NMNAT3: variants seen among roughly 807,000 people sequenced by gnomAD.
The protein encoded by NMNAT3 is nicotinamide/nicotinic acid mononucleotide adenylyltransferase 3.
In NMNAT3, 21 loss-of-function variants were observed where a neutral mutation model predicts 24.8. The ratio of observed to expected loss-of-function variants is 0.85; its 90% CI spans 0.60 to 1.22. The LOEUF is 1.22. Among genes scored for constraint, NMNAT3 ranks in the 50% most tolerant of loss-of-function variants. The pLI is 0.00. For missense variants in NMNAT3, 387 were observed against 436.6 expected (o/e 0.89, Z 1.01); for synonymous variants, 136 against 155.2 (o/e 0.88, Z 0.92).
intron 6 of NMNAT3, among the ~76,000 whole-genome samples, chr3:139,563,713 C>A (rs1207826487): frequency 6.6e-6 from 1 of 152,194 alleles, no homozygotes; most frequent in Non-Finnish European, 1.5e-5. Context: ...TAATTCCTGG[C>A]AGTCCTGTCT....
Position 139,657,061 on chromosome 3 carries a change from T to G in NMNAT3, c.-140-18999A>C, listed in dbSNP as rs2057268952. Among the ~76,000 whole-genome samples the G allele has an allele frequency of 7.9e-5, 12 of 152,346 alleles. No homozygotes were observed. The South Asian group carries it at 2.5e-3, about 32-fold the overall frequency. On this transcript the variant is annotated intron_variant, in intron 1 of 6. Coordinates refer to ENST00000643695, the MANE Select transcript of NMNAT3 (RefSeq NM_001320510.2). ...TTTGCAGAGAAGTGCTATCATCTTC[T>G]TTCTGATGGGGACACAGAAACTCCG...
chr3:139,635,733 G>C (rs959878110), intron 2 of NMNAT3: 2 of 152,282 alleles, frequency 1.3e-5, no homozygotes, highest in African/African-American at 4.8e-5. Context: ...GTAGGATAAA[G>C]TTTGCTGGCG....
At chr3:139,614,321 A>C (rs1356008055) in intron 3 of NMNAT3, among the ~76,000 whole-genome samples, 1 of 152,000 alleles carries the variant, frequency 6.6e-6, no homozygotes, top group Non-Finnish European at 1.5e-5. Flanking sequence ...TCCACGATCA[A>C]ACCCTGACTA....
intron 3 of NMNAT3, among the ~76,000 whole-genome samples, chr3:139,624,266 G>A (rs1490473140): frequency 1.3e-5 from 2 of 151,916 alleles, no homozygotes; most frequent in South Asian, 2.1e-4. Flanking sequence ...CTTTCATTGA[G>A]TTCAAAATGT....
chr3:139,572,025 C>A (rs1938455684), intron 6 of NMNAT3: 2 of 397,892 alleles, frequency 5.0e-6, no homozygotes, highest in Non-Finnish European at 8.9e-6. Flanking sequence ...TGTCTCCAAC[C>A]TCAATAATCC....
intron 3 of NMNAT3, among the ~76,000 whole-genome samples, chr3:139,603,408 G>A (rs1055507224): frequency 2.6e-5 from 4 of 152,008 alleles, no homozygotes; most frequent in African/African-American, 9.7e-5. Context: ...TTACAATTTG[G>A]GGTGTATATG....
intron 1 of NMNAT3, among the ~76,000 whole-genome samples, chr3:139,642,355 A>G (rs1464024501): frequency 6.6e-5 from 10 of 152,158 alleles, no homozygotes; most frequent in Non-Finnish European, 1.0e-4. Context: ...TCATGGGCCA[A>G]ATGTGATCCT....
intron 3 of NMNAT3, among the ~76,000 whole-genome samples, chr3:139,625,119 C>A (rs1360372620): frequency 6.6e-6 from 1 of 152,132 alleles, no homozygotes; most frequent in East Asian, 1.9e-4. Context: ...ATATTCATTC[C>A]TCTGAAATCT....
rs116411823 is a variant in NMNAT3 at position 139,673,999 on chromosome 3, G to A, written c.-141+3706C>T. On this transcript the variant is annotated intron_variant, in intron 1 of 6. Transcript: ENST00000643695. ...CCCTGCAACAGAGTGTGCCTCTGCC[G>A]CTGCCCCAGGGATTCTGGATTTAGG... Among the ~76,000 whole-genome samples, 310 of 152,028 alleles carry A rather than the reference G, an allele frequency of 2.0e-3. 3 individuals carry two copies. Among genetic ancestry groups the A allele is most frequent in the African/African-American group, 7.0e-3 (288 of 41,438 alleles).
intron 3 of NMNAT3, among the ~76,000 whole-genome samples, chr3:139,601,708 G>A (rs917925696): frequency 6.6e-6 from 1 of 152,162 alleles, no homozygotes; most frequent in Non-Finnish European, 1.5e-5. Context: ...GGTTGGGGGT[G>A]GGGGATAAAG....
intron 3 of NMNAT3, among the ~76,000 whole-genome samples, chr3:139,585,994 G>A (rs1321658315): frequency 6.6e-6 from 1 of 152,204 alleles, no homozygotes; most frequent in Non-Finnish European, 1.5e-5. Flanking sequence ...GCTTAAGTGA[G>A]CCGTTCTGGC....
At chr3:139,611,970 C>G (rs1310000559) in intron 3 of NMNAT3, among the ~76,000 whole-genome samples, 1 of 152,116 alleles carries the variant, frequency 6.6e-6, no homozygotes, top group Non-Finnish European at 1.5e-5. Flanking sequence ...GAGTTCGAGA[C>G]CAGCCTGACC....
chr3:139,566,675 A>G (rs991219169), intron 6 of NMNAT3: 7 of 152,174 alleles, frequency 4.6e-5, no homozygotes, highest in African/African-American at 1.7e-4. Flanking sequence ...ATAGTTGTAG[A>G]TAGGTGGCAT....
Position 139,583,218 on chromosome 3 carries a change from A to G in NMNAT3, c.110-10T>C, listed in dbSNP as rs1420007047. On this transcript the variant is annotated splice_polypyrimidine_tract_variant and intron_variant, in intron 3 of 6. Transcript: ENST00000643695. ...TCCTTTTCTTCATATTCTGGAATAC[A>G]AGAAAACGTGTAAATGTTTGCAAAT... The G allele has an allele frequency of 8.3e-7, 1 of 1,206,466 alleles. No homozygotes were observed. The highest frequency in any genetic ancestry group is 2.3e-5 in the East Asian group (1 of 42,998). The allele number at this position is 1,206,466 out of a possible 1,614,324, so 74.7% of individuals were successfully genotyped here.
intron 1 of NMNAT3, among the ~76,000 whole-genome samples, chr3:139,669,655 A>C (rs1202625685): frequency 6.6e-6 from 1 of 152,168 alleles, no homozygotes; most frequent in African/African-American, 2.4e-5. Context: ...TGACTACAAA[A>C]TATTTATCAT....
Position 139,578,922 on chromosome 3 carries a change from G to A in NMNAT3, c.525C>T (p.Asp175=). The change falls in exon 5 of 7, where the codon GAC becomes GAT. Residue 175 remains aspartate (D), a synonymous_variant. Transcript: ENST00000643695. Reference sequence around the variant, plus strand: ...ACTGTGCCTGCTCACTCTCCCAAGGGTCCACCCGGATCCAGTCGGATGTCT... The same window carrying A: ...ACTGTGCCTGCTCACTCTCCCAAGGATCCACCCGGATCCAGTCGGATGTCT... 6.2e-7 allele frequency: 1 copy of A among 1,614,144 alleles called. No individual in the cohort carries two copies. Among genetic ancestry groups the A allele is most frequent in the Non-Finnish European group, 8.5e-7 (1 of 1,180,034 alleles).
At chr3:139,670,403 C>T (rs1030243047) in intron 1 of NMNAT3, among the ~76,000 whole-genome samples, 4 of 152,230 alleles carry the variant, frequency 2.6e-5, no homozygotes, top group African/African-American at 9.6e-5. Flanking sequence ...CTCTGGAGAT[C>T]CCCATCAGGA....
intron 6 of NMNAT3, chr3:139,569,486 G>A (rs1383636000): frequency 6.6e-6 from 1 of 152,170 alleles, no homozygotes; most frequent in Admixed American, 6.5e-5. Flanking sequence ...GGTACCAGTT[G>A]TTCCTTTCCA....
intron 3 of NMNAT3, among the ~76,000 whole-genome samples, chr3:139,588,097 T>A (rs899697619): frequency 6.6e-6 from 1 of 152,146 alleles, no homozygotes; most frequent in African/African-American, 2.4e-5. Context: ...TGGTCATAAG[T>A]CCAAGCCTTT....
Sources: allele counts gnomAD v4.1 joint callset (sites outside exome capture counted in the v4.1 genomes callset), GRCh38; gene constraint gnomAD v4.1.1; transcripts MANE v1.5; gene names NCBI Gene and HGNC (gene_info 2026-07-23, HGNC 2026-07-21).